SYTL3: variants seen among roughly 807,000 people sequenced by gnomAD.
SYTL3 encodes the protein synaptotagmin-like protein 3.
Under a neutral mutation model 82.1 loss-of-function variants are expected in SYTL3, and 88 were observed. That is an observed-to-expected ratio of 1.07 (90% CI 0.90 to 1.28). SYTL3 has a LOEUF of 1.28. Among genes scored for constraint, SYTL3 ranks in the 50% most tolerant of loss-of-function variants. The pLI, the probability that SYTL3 is intolerant of heterozygous loss-of-function variation, is 0.00. For missense variants in SYTL3, 831 were observed against 757.6 expected (o/e 1.10, Z -1.14); for synonymous variants, 311 against 289.4 (o/e 1.07, Z -0.76).
At position 158,692,257 on chromosome 6, in the gene SYTL3, CAAAAAAAAAAAAAAAAAAA is replaced by C. The variant is rs571381475; in HGVS notation, c.394+9288_394+9306del. Among the ~76,000 whole-genome samples, 24 of 32,184 alleles carry C rather than the reference CAAAAAAAAAAAAAAAAAAA, an allele frequency of 7.5e-4. No individual in the cohort carries two copies. The East Asian group carries it at 8.0e-3, about 11-fold the overall frequency. The allele number at this position is 32,184 out of a possible 152,430, so 21.1% of individuals were successfully genotyped here. On this transcript the variant is annotated intron_variant, in intron 6 of 17. Transcript: ENST00000611299. ...TGGGCGACAGAGCGAGACTCCGTCT[CAAAAAAAAAAAAAAAAAAA>C]AAAAAAAAAAAAAAAAAAAGGGTTA...
chr6:158,725,376 GTCC>G (rs1784596263), intron 10 of SYTL3, 124 bp from the exon 11 acceptor site: 2 of 985,736 alleles, frequency 2.0e-6, no homozygotes, highest in African/African-American at 1.6e-5. Flanking sequence ...ATGCAGGTGT[GTCC>G]TCCTACTCAG....
At position 158,663,072 on chromosome 6, in the gene SYTL3, C is replaced by T. The variant is rs1018351215; in HGVS notation, c.-197C>T. ...CCGACAAACGCAGAACTTCTTGAGG[C>T]TTTCTTCTTCTAAGGAGTATGACAC... On this transcript the variant is annotated 5_prime_UTR_variant, in exon 4 of 18. Transcript: ENST00000611299. 4 of 484,260 alleles carry T rather than the reference C, an allele frequency of 8.3e-6. No individual in the cohort carries two copies. The Admixed American group carries it at 1.5e-4, about 18-fold the overall frequency. 30.0% of individuals were successfully genotyped at this position (484,260 alleles called of 1,614,324 possible). A position where few individuals can be genotyped will look rare whatever the true frequency, so the allele number is the denominator to read the frequency against.
At chr6:158,671,095 C>T (rs75238781) in intron 5 of SYTL3, among the ~76,000 whole-genome samples, 32,434 of 151,794 alleles carry the variant, frequency 0.21, 4,320 homozygotes, top group East Asian at 0.68. Flanking sequence ...TGAGCCACGG[C>T]GCCCGGCCTA....
At chr6:158,669,425 G>A (rs574575750) in intron 5 of SYTL3, among the ~76,000 whole-genome samples, 4 of 152,280 alleles carry the variant, frequency 2.6e-5, no homozygotes, top group South Asian at 2.1e-4. Context: ...TGCCTGTTTC[G>A]TTAGGAACAT....
intron 2 of SYTL3, among the ~76,000 whole-genome samples, chr6:158,652,632 C>T (rs1788168318): frequency 6.6e-6 from 1 of 152,188 alleles, no homozygotes; most frequent in Non-Finnish European, 1.5e-5. Flanking sequence ...GCAACCTCCA[C>T]CTCCCAGGTT....
At chr6:158,650,882 C>T (rs1357719271) in intron 1 of SYTL3, among the ~76,000 whole-genome samples, 6 of 151,804 alleles carry the variant, frequency 4.0e-5, no homozygotes, top group South Asian at 2.1e-4. Flanking sequence ...ACCTGGGAGG[C>T]GGAGGTGGCA....
At chr6:158,684,356 T>C (rs1779063407) in intron 6 of SYTL3, among the ~76,000 whole-genome samples, 1 of 152,224 alleles carries the variant, frequency 6.6e-6, no homozygotes, top group Non-Finnish European at 1.5e-5. Flanking sequence ...TTTATTTTCT[T>C]TTTCAAAAGT....
chr6:158,693,728 A>G (rs1780209588), intron 6 of SYTL3, among the ~76,000 whole-genome samples: 4 of 121,774 alleles, frequency 3.3e-5, no homozygotes, highest in Admixed American at 3.1e-4. Context: ...TTTTTGGTAG[A>G]GACAGGGTTT....
chr6:158,660,913 G>A (rs1294283126), intron 2 of SYTL3, among the ~76,000 whole-genome samples: 1 of 152,142 alleles, frequency 6.6e-6, no homozygotes, highest in Non-Finnish European at 1.5e-5. Flanking sequence ...ACATTAGCTA[G>A]GCATGGTAGC....
At chr6:158,669,858 A>G (rs962160572) in intron 5 of SYTL3, among the ~76,000 whole-genome samples, 26 of 152,234 alleles carry the variant, frequency 1.7e-4, no homozygotes, top group African/African-American at 6.3e-4. Context: ...CCAGTTACTC[A>G]TGGAATGCCC....
At chr6:158,750,986 G>C (rs1788313766) in intron 12 of SYTL3, among the ~76,000 whole-genome samples, 1 of 152,120 alleles carries the variant, frequency 6.6e-6, no homozygotes, top group Non-Finnish European at 1.5e-5. Flanking sequence ...AGTAGAGACA[G>C]GGTTTCACCA....
chr6:158,733,774 G>A (rs1019725942), intron 11 of SYTL3, among the ~76,000 whole-genome samples: 1 of 151,822 alleles, frequency 6.6e-6, no homozygotes, highest in African/African-American at 2.4e-5. Context: ...CATTGTTCAG[G>A]TGTGCTCTCG....
intron 12 of SYTL3, among the ~76,000 whole-genome samples, chr6:158,746,254 G>A (rs977360165): frequency 6.6e-6 from 1 of 151,812 alleles, no homozygotes; most frequent in South Asian, 2.1e-4. Flanking sequence ...TGGTGAGCGA[G>A]GTGGACATAA....
intron 8 of SYTL3, among the ~76,000 whole-genome samples, chr6:158,713,007 G>A (rs10945555): frequency 0.3 from 46,164 of 151,786 alleles, 7,351 homozygotes; most frequent in African/African-American, 0.34. Flanking sequence ...TGATCCGCCC[G>A]CCTCGGGCTC....
chr6:158,654,921 G>A (rs1583117073), intron 2 of SYTL3, among the ~76,000 whole-genome samples: 1 of 152,292 alleles, frequency 6.6e-6, no homozygotes, highest in South Asian at 2.1e-4. Flanking sequence ...CAGGCTGATC[G>A]ATGGAGTGCT....
intron 6 of SYTL3, among the ~76,000 whole-genome samples, chr6:158,690,359 C>CTTTTTTT: frequency 6.6e-6 from 1 of 152,342 alleles, no homozygotes; most frequent in East Asian, 1.9e-4. Flanking sequence ...ACATCCTTCC[C>CTTTTTTT]TTTTTGACAC....
intron 5 of SYTL3, among the ~76,000 whole-genome samples, chr6:158,671,733 C>CT (rs1777402167): frequency 1.1e-5 from 1 of 88,518 alleles, no homozygotes; most frequent in Non-Finnish European, 2.0e-5. Flanking sequence ...GAGACTCAGT[C>CT]TAAAAAAAAA....
At chr6:158,650,270 T>C (rs1165912498) in intron 1 of SYTL3, among the ~76,000 whole-genome samples, 192 bp downstream of exon 1, 2 of 152,128 alleles carry the variant, frequency 1.3e-5, no homozygotes, top group African/African-American at 2.4e-5. Flanking sequence ...ACATTTGAGA[T>C]AATAATGATT....
intron 11 of SYTL3, among the ~76,000 whole-genome samples, chr6:158,733,872 C>T (rs185672899): frequency 8.0e-5 from 12 of 150,876 alleles, no homozygotes; most frequent in East Asian, 4.0e-4. Flanking sequence ...CCGAGGAGGG[C>T]GGATCACGAG....
Sources: allele counts gnomAD v4.1 joint callset (sites outside exome capture counted in the v4.1 genomes callset), GRCh38; gene constraint gnomAD v4.1.1; transcripts MANE v1.5; gene names NCBI Gene and HGNC (gene_info 2026-07-23, HGNC 2026-07-21).